The following GPC3 variants were observed in gnomAD, a reference collection of about 807,000 sequenced individuals.
GPC3 encodes the protein glypican 3, also known as glypican-3.
Under a neutral mutation model 34.4 loss-of-function variants are expected in GPC3, and 3 were observed. The ratio of observed to expected loss-of-function variants is 0.09; its 90% CI spans 0.04 to 0.23. The LOEUF (loss-of-function observed/expected upper bound fraction) is 0.23. Ranked by LOEUF, GPC3 falls within the 10% of genes least tolerant of loss-of-function variation. The pLI is 1.00. For missense variants in GPC3, 351 were observed against 445.6 expected (o/e 0.79, Z 1.91); for synonymous variants, 177 against 174.0 (o/e 1.02, Z -0.13).
intron 5 of GPC3, among the ~76,000 whole-genome samples, chrX:133,673,316 A>C (rs2070850955): frequency 8.9e-6 from 1 of 112,573 alleles, no homozygotes. Flanking sequence ...ATTCAGCCCA[A>C]TGTTCTCCTC....
intron 3 of GPC3, among the ~76,000 whole-genome samples, chrX:133,722,888 C>A (rs1237143486): frequency 1.2e-4 from 13 of 111,427 alleles, no homozygotes; most frequent in African/African-American, 4.2e-4. Flanking sequence ...AAGAGTCTGA[C>A]CCCTGAACAA....
intron 1 of GPC3, among the ~76,000 whole-genome samples, chrX:133,972,113 C>T (rs2076496349): frequency 9.0e-6 from 1 of 111,657 alleles, no homozygotes; most frequent in South Asian, 3.8e-4. Flanking sequence ...CTTCAGGCAA[C>T]GTTATTAAAT....
Position 133,575,767 on chromosome X carries a change from A to T in GPC3, c.1573+20673T>A, listed in dbSNP as rs780319346. Among the ~76,000 whole-genome samples the T allele has an allele frequency of 4.5e-5, 5 of 112,111 alleles. No homozygotes were observed. In the South Asian group the frequency reaches 1.9e-3, roughly 42 times the overall value. On this transcript the variant is annotated intron_variant, in intron 7 of 7. Transcript: ENST00000370818. Reference sequence around the variant, plus strand: ...TGTGGATCAATAATTATAGCTCTCAAGTACAGCACAGAGGAGTAGACCTAG... The same window carrying T: ...TGTGGATCAATAATTATAGCTCTCATGTACAGCACAGAGGAGTAGACCTAG...
rs193155158 is a variant in GPC3 at position 133,746,342 on chromosome X, G to A, written c.1032+7140C>T. Among the ~76,000 whole-genome samples the A allele has an allele frequency of 1.9e-4, 21 of 112,202 alleles. No homozygotes were observed. The East Asian group carries it at 5.1e-3, about 27-fold the overall frequency. On this transcript the variant is annotated intron_variant, in intron 3 of 7. Coordinates refer to ENST00000370818, the MANE Select transcript of GPC3 (RefSeq NM_004484.4). ...AATTCAGAACATATAAGCAACTGGC[G>A]ATTATGCCAAGGCAAGGGCAAGCAA... is the stretch of plus-strand genomic sequence containing the variant.
chrX:133,769,159 A>G (rs1221434897), intron 2 of GPC3, among the ~76,000 whole-genome samples: 1 of 111,495 alleles, frequency 9.0e-6, no homozygotes, highest in Non-Finnish European at 1.9e-5. Flanking sequence ...ACATGATACT[A>G]CTTATCTGAA....
chrX:133,669,630 T>C (rs1280020858), intron 5 of GPC3, among the ~76,000 whole-genome samples: 2 of 111,723 alleles, frequency 1.8e-5, no homozygotes, highest in African/African-American at 6.5e-5. Context: ...ATTGTAACAA[T>C]GGGTTAGCTA....
intron 2 of GPC3, among the ~76,000 whole-genome samples, chrX:133,849,256 G>A (rs1299699583): frequency 9.2e-6 from 1 of 108,916 alleles, no homozygotes; most frequent in Non-Finnish European, 1.9e-5. Flanking sequence ...CAACACGCCC[G>A]GCTAATGAAC....
At chrX:133,704,276 TG>T in intron 3 of GPC3, 2 of 1,035,136 alleles carry the variant, frequency 1.9e-6, no homozygotes, top group Non-Finnish European at 2.5e-6. Context: ...TCAGTTTCCT[TG>T]AAAAAAAAAA....
intron 2 of GPC3, among the ~76,000 whole-genome samples, chrX:133,862,186 A>G (rs1302467947): frequency 9.1e-6 from 1 of 110,363 alleles, no homozygotes; most frequent in Non-Finnish European, 1.9e-5. Context: ...TAATCTGCAT[A>G]TGCCAAAAAA....
chrX:133,644,340 G>A lies in GPC3; in HGVS notation c.1413+17390C>T, dbSNP rs150854364. Among the ~76,000 whole-genome samples, 1,015 of 111,160 alleles carry A rather than the reference G, an allele frequency of 9.1e-3. 15 individuals carry two copies. The highest frequency in any genetic ancestry group is 0.029 in the African/African-American group (900 of 30,586). On this transcript the variant is annotated intron_variant, in intron 6 of 7. Transcript: ENST00000370818. ...ATCATAAATTTTAGAGTAATAGGACGTGGGTTCAAGTCCAAGTTTAACCTT... is the reference window on the plus strand; with the variant it reads ...ATCATAAATTTTAGAGTAATAGGACATGGGTTCAAGTCCAAGTTTAACCTT...
At chrX:133,942,764 C>T (rs2076350381) in intron 2 of GPC3, among the ~76,000 whole-genome samples, 2 of 111,614 alleles carry the variant, frequency 1.8e-5, no homozygotes, top group Admixed American at 9.5e-5. Context: ...GTATTACTTT[C>T]AAGGTCTCAC....
chrX:133,828,309 A>G (rs1390774484), intron 2 of GPC3, among the ~76,000 whole-genome samples: 1 of 110,701 alleles, frequency 9.0e-6, no homozygotes, highest in Admixed American at 9.6e-5. Flanking sequence ...GGTGAGCGCC[A>G]CCACACCCAG....
At chrX:133,756,118 A>G (rs1040468066) in intron 2 of GPC3, among the ~76,000 whole-genome samples, 2 of 112,253 alleles carry the variant, frequency 1.8e-5, no homozygotes, top group Non-Finnish European at 3.8e-5. Context: ...TCTACTTTTT[A>G]CAACAATCTT....
chrX:133,845,699 TTG>T (rs2075844406), intron 2 of GPC3, among the ~76,000 whole-genome samples: 1 of 112,079 alleles, frequency 8.9e-6, no homozygotes. Context: ...AGAATATCAA[TTG>T]TGTTTGGTAA....
At chrX:133,787,510 G>C (rs765388444) in intron 2 of GPC3, among the ~76,000 whole-genome samples, 5 of 112,107 alleles carry the variant, frequency 4.5e-5, no homozygotes, top group African/African-American at 6.5e-5. Flanking sequence ...AGAACCCCTA[G>C]GAATTCAACT....
At chrX:133,556,217 C>T (rs1389470628) in intron 7 of GPC3, among the ~76,000 whole-genome samples, 1 of 111,625 alleles carries the variant, frequency 9.0e-6, no homozygotes, top group Non-Finnish European at 1.9e-5. Context: ...TTTAAAACTA[C>T]TCAACATGTG....
intron 3 of GPC3, among the ~76,000 whole-genome samples, chrX:133,715,660 G>T (rs1253329272): frequency 9.0e-6 from 1 of 111,254 alleles, no homozygotes; most frequent in Admixed American, 9.6e-5. Context: ...TCAATTAGAG[G>T]TAATTATTTT....
At chrX:133,643,831 G>GTTTTTTTTT (rs778326133) in intron 6 of GPC3, among the ~76,000 whole-genome samples, 4 of 96,998 alleles carry the variant, frequency 4.1e-5, no homozygotes, top group African/African-American at 1.6e-4. Context: ...TTGTTTTTAT[G>GTTTTTTTTT]TTTTTTTTTT....
At chrX:133,725,804 G>A (rs2071401816) in intron 3 of GPC3, among the ~76,000 whole-genome samples, 1 of 111,863 alleles carries the variant, frequency 8.9e-6, no homozygotes, top group African/African-American at 3.3e-5. Flanking sequence ...CAACTAGGGC[G>A]CAGGTACTAC....
Sources: allele counts gnomAD v4.1 joint callset (sites outside exome capture counted in the v4.1 genomes callset), GRCh38; gene constraint gnomAD v4.1.1; transcripts MANE v1.5; gene names NCBI Gene and HGNC (gene_info 2026-07-23, HGNC 2026-07-21).